Variants in CDH16 observed in about 807,000 individuals in gnomAD.
CDH16 encodes cadherin 16, also known as cadherin-16.
Under a neutral mutation model 87.6 loss-of-function variants are expected in CDH16, and 79 were observed. That is an observed-to-expected ratio of 0.90 (90% confidence interval 0.75 to 1.09). The LOEUF is 1.09. Ranked by LOEUF, CDH16 falls within the 50% of genes least tolerant of loss-of-function variation. The pLI, the probability that CDH16 is intolerant of heterozygous loss-of-function variation, is 0.00. For missense variants in CDH16, 1,124 were observed against 1,071.7 expected, an observed-to-expected ratio of 1.05 and a Z score of -0.68; for synonymous variants, 457 against 439.5, an observed-to-expected ratio of 1.04 and a Z score of -0.50.
rs575790968 is a variant in CDH16 at position 66,916,079 on chromosome 16, C to T, written c.410G>A (p.Arg137Gln). Residue 137 changes from arginine (R) to glutamine (Q), a missense_variant, in exon 5 of 18, where the codon CGG becomes CAG. Arg to Gln is a conservative substitution (Grantham distance 43, BLOSUM62 1). Coordinates refer to ENST00000299752, the MANE Select transcript of CDH16 (RefSeq NM_004062.4). The surrounding 1 kb of genome is among the most constrained non-coding windows in gnomAD (Gnocchi z 4.1). ...SQAIYRARLSRGTRPGIPFLF... is the reference protein window; with the variant it reads ...SQAIYRARLSQGTRPGIPFLF... ...TGGTCACTCACCAGGCCTGGTACCC[C>T]GGCTCAGCCGAGCTCTGTAGATGGC... The T allele has an allele frequency of 1.1e-4, 173 of 1,614,192 alleles. No individual in the cohort carries two copies. The South Asian group carries it at 1.6e-3, about 15-fold the overall frequency.
Position 66,911,186 on chromosome 16 carries a change from A to G in CDH16, c.1920T>C (p.Asp640=). ...DTYTVLVEAQ[D]TDEPRLSASA... is the part of the protein sequence containing the mutation. ...CCCATCACTGCCTGGCCATACCTGT[A>G]TCCTGGGCCTCCACAAGCACCGTGT... Residue 640 remains aspartate (D), a synonymous_variant, in exon 14 of 18, where the codon GAT becomes GAC. Coordinates refer to ENST00000299752, the MANE Select transcript of CDH16 (RefSeq NM_004062.4). 6.2e-7 allele frequency: 1 copy of G among 1,612,198 alleles called. No individual in the cohort carries two copies. The highest frequency in any genetic ancestry group is 8.5e-7 in the Non-Finnish European group (1 of 1,179,226).
chr16:66,910,115 A>G, intron 15 of CDH16, 22 bp from the exon 16 acceptor site: 1 of 1,596,684 alleles, frequency 6.3e-7, no homozygotes, highest in Admixed American at 1.7e-5. Context: ...GCAGGCAAAG[A>G]CCAGGGTCAC....
intron 7 of CDH16, 54 bp from the exon 8 acceptor site, chr16:66,913,667 G>T: frequency 6.3e-7 from 1 of 1,594,672 alleles, no homozygotes; most frequent in Non-Finnish European, 8.5e-7. Flanking sequence ...CAGCCTTTGC[G>T]CCCCATCTGA....
rs931266398 is a variant in CDH16 at position 66,913,749 on chromosome 16, A to C, written c.781-136T>G. 8.6e-5 allele frequency: 101 copies of C among 1,174,676 alleles called. 2 individuals carry two copies. In the South Asian group the frequency reaches 1.5e-3, roughly 17 times the overall value. 72.8% of individuals were successfully genotyped at this position (1,174,676 alleles called of 1,614,324 possible). ...GCTGCCCTCCCTGGGCCTGGAGTCC[A>C]GGTGGGATCCTTCTGTTCAGGGCAC... On this transcript the variant is annotated intron_variant, in intron 7 of 17. Transcript: ENST00000299752.
chr16:66,910,661 T>C (rs1962372570), intron 14 of CDH16, 159 bp from the exon 15 acceptor site: 1 of 779,362 alleles, frequency 1.3e-6, no homozygotes. Context: ...CCCATGCCAC[T>C]GTGGACATCC....
At chr16:66,911,810 G>A (rs1962428378) in intron 13 of CDH16, 89 bp downstream of exon 13, 10 of 1,454,392 alleles carry the variant, frequency 6.9e-6, no homozygotes, top group Non-Finnish European at 7.4e-6. Context: ...GCAGGCCACA[G>A]ATAATGTGAG....
intron 14 of CDH16, chr16:66,910,926 G>C (rs1300568638): frequency 2.2e-6 from 1 of 460,232 alleles, no homozygotes; most frequent in Non-Finnish European, 3.8e-6. Flanking sequence ...CCCTCCAGTG[G>C]CTAAAGGACA....
intron 7 of CDH16, 121 bp from the exon 8 acceptor site, chr16:66,913,734 C>G: frequency 7.4e-7 from 1 of 1,344,572 alleles, no homozygotes; most frequent in Non-Finnish European, 1.0e-6. Context: ...GCTGCCCTCC[C>G]TGGGCCTGGA....
At chr16:66,911,786 G>GT (rs1323179543) in intron 13 of CDH16, 113 bp downstream of exon 13, 1 of 1,335,290 alleles carries the variant, frequency 7.5e-7, no homozygotes, top group Non-Finnish European at 1.0e-6. Context: ...ATTTGCCATA[G>GT]TTTGAGAAAT....
At position 66,912,731 on chromosome 16, in the gene CDH16, G is replaced by A; in HGVS notation, c.1215C>T (p.Leu405=). Residue 405 remains leucine (L), a synonymous_variant, in exon 10 of 18, where the codon CTC becomes CTT. Transcript: ENST00000299752. ...PTSGSVTLGV[L]PLRAGQNILL... ...GGATGTTCTGGCCTGCTCGGAGTGGGAGCACCCCCAGCGTCACACTGCCTG... is the reference window on the plus strand; with the variant it reads ...GGATGTTCTGGCCTGCTCGGAGTGGAAGCACCCCCAGCGTCACACTGCCTG... 2.5e-6 allele frequency: 4 copies of A among 1,613,872 alleles called. No homozygotes were observed. Among genetic ancestry groups the A allele is most frequent in the Non-Finnish European group, 3.4e-6 (4 of 1,180,032 alleles).
rs1260346576 is a variant in CDH16 at position 66,909,944 on chromosome 16, G to T, written c.2275+42C>A. ...AGCTCCCTCCCCTTGCATCCCAGCG[G>T]TTCCCTCAGGAACTGCAGGCTGCAC... On this transcript the variant is annotated intron_variant, in intron 16 of 17. Transcript: ENST00000299752. This position sits in a 1 kb window ranked among gnomAD's most constrained non-coding sequence, Gnocchi z 4.1. 6.9e-7 allele frequency: 1 copy of T among 1,439,816 alleles called. No homozygotes were observed. The highest frequency in any genetic ancestry group is 1.4e-5 in the African/African-American group (1 of 71,070). 89.2% of individuals were successfully genotyped at this position (1,439,816 alleles called of 1,614,324 possible).
intron 8 of CDH16, 46 bp downstream of exon 8, chr16:66,913,445 G>T: frequency 1.2e-6 from 2 of 1,612,916 alleles, no homozygotes; most frequent in South Asian, 2.2e-5. Flanking sequence ...ACTGGACACT[G>T]ACCAAGCACC....
At position 66,912,852 on chromosome 16, in the gene CDH16, G is replaced by T; in HGVS notation, c.1094C>A (p.Ala365Asp). ...VTRLSAEDADAPGSPNSHVVY... is the reference protein window; with the variant it reads ...VTRLSAEDADDPGSPNSHVVY... The stretch of plus-strand genomic sequence containing the variant: ...AACGTGGGAATTGGGGGAGCCGGGG[G>T]CATCTGCATCCTCTGCTGACAGTCT... Residue 365 changes from alanine to aspartate, a missense_variant, in exon 10 of 18, where the codon GCC (alanine) becomes GAC (aspartate). Coordinates refer to ENST00000299752, the MANE Select transcript of CDH16 (RefSeq NM_004062.4). 3 of 1,613,156 alleles carry T rather than the reference G, an allele frequency of 1.9e-6. No homozygotes were observed. Among genetic ancestry groups the T allele is most frequent in the Non-Finnish European group, 2.5e-6 (3 of 1,180,002 alleles).
chr16:66,912,801 G>A lies in CDH16; in HGVS notation c.1145C>T (p.Pro382Leu). The A allele has an allele frequency of 6.2e-7, 1 of 1,613,700 alleles. No homozygotes were observed. The highest frequency in any genetic ancestry group is 8.5e-7 in the Non-Finnish European group (1 of 1,180,018). The change falls in exon 10 of 18, where the codon CCT (proline) becomes CTT (leucine). Residue 382 changes from proline (P) to leucine (L), a missense_variant. Transcript: ENST00000299752. ...GGCTCTCCCCTCTACCCCATCCTCA[G>A]GCTCAGGGCTCAGGAGCTGATACAC... The part of the protein sequence containing the change: ...HVVYQLLSPE[P>L]EDGVEGRAFQ...
At position 66,915,241 on chromosome 16, in the gene CDH16, C is replaced by T. The variant is rs780755013; in HGVS notation, c.562G>A (p.Ala188Thr). The change falls in exon 6 of 18, where the codon GCT becomes ACT. Residue 188 changes from alanine to threonine, a missense_variant. Ala to Thr is a moderately conservative substitution (Grantham distance 58, BLOSUM62 0). Coordinates refer to ENST00000299752, the MANE Select transcript of CDH16 (RefSeq NM_004062.4). ...DMFQLEPRLGALALSPKGSTS... is the reference protein window; with the variant it reads ...DMFQLEPRLGTLALSPKGSTS... The stretch of plus-strand genomic sequence containing the variant: ...TTACCCTTGGGGCTGAGGGCCAGAG[C>T]CCCCAGCCGAGGCTCCAGCTGGAAC... 3.1e-6 allele frequency: 5 copies of T among 1,612,118 alleles called. No individual in the cohort carries two copies. Among genetic ancestry groups the T allele is most frequent in the Middle Eastern group, 1.8e-4 (1 of 5,588 alleles).
intron 7 of CDH16, 61 bp from the exon 8 acceptor site, chr16:66,913,674 C>G (rs1962542723): frequency 6.3e-7 from 1 of 1,588,418 alleles, no homozygotes; most frequent in Non-Finnish European, 8.6e-7. Flanking sequence ...TGCGCCCCAT[C>G]TGATTTCTCG....
intron 6 of CDH16, among the ~76,000 whole-genome samples, 199 bp from the exon 7 acceptor site, chr16:66,914,611 T>G (rs1434712024): frequency 6.6e-6 from 1 of 152,152 alleles, no homozygotes; most frequent in East Asian, 1.9e-4. Flanking sequence ...CACCTCCATA[T>G]CTCTCCACAC....
chr16:66,917,567 G>C (rs1404085060), intron 3 of CDH16, 75 bp downstream of exon 3: 1 of 995,356 alleles, frequency 1.0e-6, no homozygotes, highest in African/African-American at 1.6e-5. Context: ...GCAAGAGGAA[G>C]GGTGCCAGAG....
Position 66,912,302 on chromosome 16 carries a change from T to C in CDH16, c.1488A>G (p.Glu496=), listed in dbSNP as rs1567532646. 3 of 1,614,114 alleles carry C rather than the reference T, an allele frequency of 1.9e-6. No homozygotes were observed. The highest frequency in any genetic ancestry group is 2.5e-6 in the Non-Finnish European group (3 of 1,179,984). ...GCTCCCAATCCAGGCCAAAAGTCCC[T>C]TCTGTGTCTCCCCTCTCAATGGCAA... ...MDFAIERGDT[E]GTFGLDWEPD... is the part of the protein sequence containing the mutation. Residue 496 remains glutamate, a synonymous_variant, in exon 12 of 18, where the codon GAA becomes GAG. Transcript: ENST00000299752.
Sources: allele counts gnomAD v4.1 joint callset (sites outside exome capture counted in the v4.1 genomes callset), GRCh38; gene constraint gnomAD v4.1.1; non-coding constraint Gnocchi (gnomAD v3.1); transcripts MANE v1.5; gene names NCBI Gene and HGNC (gene_info 2026-07-23, HGNC 2026-07-21).